The following PCSK6 variants were observed in gnomAD, a reference collection of about 807,000 sequenced individuals.
PCSK6 encodes proprotein convertase subtilisin/kexin type 6.
Under a neutral mutation model 123.3 loss-of-function variants are expected in PCSK6, and 85 were observed. The ratio of observed to expected loss-of-function variants is 0.69; its 90% CI spans 0.58 to 0.83. The LOEUF (loss-of-function observed/expected upper bound fraction) is 0.83. PCSK6 is among the 40% of genes least tolerant of loss of function. The pLI is 0.00. For missense variants in PCSK6, 1,191 were observed against 1,282.3 expected (o/e 0.93, Z 1.09); for synonymous variants, 508 against 516.0 (o/e 0.98, Z 0.21).
At chr15:101,314,566 G>A (rs182762264) in intron 19 of PCSK6, among the ~76,000 whole-genome samples, 20 of 152,334 alleles carry the variant, frequency 1.3e-4, no homozygotes, top group Non-Finnish European at 2.5e-4. Flanking sequence ...AAATCCCTTT[G>A]CAGAGGTTCC....
At chr15:101,414,735 G>T (rs1282387163) in intron 6 of PCSK6, among the ~76,000 whole-genome samples, 1 of 152,054 alleles carries the variant, frequency 6.6e-6, no homozygotes. Context: ...AAGACAGATT[G>T]GTAGACAGAT....
intron 1 of PCSK6, among the ~76,000 whole-genome samples, chr15:101,485,152 T>C (rs1392322568): frequency 6.6e-6 from 1 of 152,240 alleles, no homozygotes; most frequent in Non-Finnish European, 1.5e-5. Context: ...ATCTCATCGT[T>C]GCCTAAATTG....
At chr15:101,326,944 T>C (rs892046509) in intron 15 of PCSK6, among the ~76,000 whole-genome samples, 1 of 151,980 alleles carries the variant, frequency 6.6e-6, no homozygotes, top group Non-Finnish European at 1.5e-5. Flanking sequence ...GGCAAGCTGA[T>C]GAGCCAGGAG....
rs2039677421 is a variant in PCSK6, at chr15:101,304,323, T to TA, written c.*934dup. On this transcript the variant is annotated 3_prime_UTR_variant, in exon 22 of 22. Transcript: ENST00000611716. The stretch of plus-strand genomic sequence containing the variant: ...TACACAGACACAGGAGTTTCCACCT[T>TA]AAAAACGAGTCTTCTGAAGGGCAGA... The TA allele has an allele frequency of 1.3e-5, 2 of 152,504 alleles. No individual in the cohort carries two copies. Among genetic ancestry groups the TA allele is most frequent in the South Asian group, 4.1e-4 (2 of 4,830 alleles). The allele number at this position is 152,504 out of a possible 1,614,324, so 9.4% of individuals were successfully genotyped here.
intron 6 of PCSK6, among the ~76,000 whole-genome samples, chr15:101,399,911 A>C (rs2042536322): frequency 6.6e-6 from 1 of 152,186 alleles, no homozygotes; most frequent in South Asian, 2.1e-4. Flanking sequence ...TAAATCTTAG[A>C]GCTATTTAAG....
At chr15:101,454,219 C>T (rs985808748) in intron 1 of PCSK6, among the ~76,000 whole-genome samples, 3 of 152,226 alleles carry the variant, frequency 2.0e-5, no homozygotes, top group Non-Finnish European at 4.4e-5. Context: ...CAAGGGAAAT[C>T]AAAAGGAATT....
chr15:101,424,896 T>C lies in PCSK6; in HGVS notation c.823+2996A>G, dbSNP rs1333149579. 2.6e-5 allele frequency among the ~76,000 whole-genome samples: 4 copies of C among 152,238 alleles called. No individual in the cohort carries two copies. In the South Asian group the frequency reaches 6.2e-4, roughly 24 times the overall value. ...TGAATATGGTTGAGCACATGCTGCA[T>C]GTATAATACTGGATATGCCGCTGAC... On this transcript the variant is annotated intron_variant, in intron 6 of 21. Transcript: ENST00000611716.
intron 6 of PCSK6, among the ~76,000 whole-genome samples, chr15:101,412,601 T>G (rs1263037541): frequency 6.6e-6 from 1 of 150,558 alleles, no homozygotes; most frequent in East Asian, 1.9e-4. Context: ...CCAAGTAGAA[T>G]TATTAGAACT....
At chr15:101,373,055 A>C (rs1010674016) in intron 11 of PCSK6, among the ~76,000 whole-genome samples, 6 of 151,906 alleles carry the variant, frequency 3.9e-5, no homozygotes, top group African/African-American at 1.5e-4. Context: ...CGCCACTCTG[A>C]GCCCCACCCA....
At chr15:101,403,928 C>T (rs911351036) in intron 6 of PCSK6, among the ~76,000 whole-genome samples, 2 of 152,170 alleles carry the variant, frequency 1.3e-5, no homozygotes, top group Non-Finnish European at 2.9e-5. Flanking sequence ...ACCACGTTGG[C>T]CAGGCTGGTC....
chr15:101,333,109 C>T (rs1440508872), intron 13 of PCSK6, among the ~76,000 whole-genome samples: 3 of 152,212 alleles, frequency 2.0e-5, no homozygotes, highest in Admixed American at 6.5e-5. Flanking sequence ...CGCCTATCTG[C>T]AGGCCGACTC....
At chr15:101,314,020 C>T (rs1181784434) in intron 19 of PCSK6, among the ~76,000 whole-genome samples, 1 of 152,194 alleles carries the variant, frequency 6.6e-6, no homozygotes, top group Non-Finnish European at 1.5e-5. Context: ...CCGTGGCTTG[C>T]GTTTGTGGCC....
chr15:101,354,144 G>C (rs1298939960), intron 13 of PCSK6, among the ~76,000 whole-genome samples: 1 of 152,030 alleles, frequency 6.6e-6, no homozygotes, highest in African/African-American at 2.4e-5. Flanking sequence ...TGAAAAGGAA[G>C]CATAAGCCAA....
intron 1 of PCSK6, among the ~76,000 whole-genome samples, chr15:101,457,369 C>T (rs887045931): frequency 6.6e-6 from 1 of 152,074 alleles, no homozygotes; most frequent in African/African-American, 2.4e-5. Flanking sequence ...CATTTCCTTG[C>T]CCAAGGTTTC....
intron 6 of PCSK6, among the ~76,000 whole-genome samples, chr15:101,421,690 GT>G (rs2056090071): frequency 6.6e-6 from 1 of 152,316 alleles, no homozygotes; most frequent in East Asian, 1.9e-4. Flanking sequence ...ACTCAGTCAA[GT>G]CTTCAGACTA....
rs373718901 is a variant in PCSK6 at position 101,427,922 on chromosome 15, C to T, written c.793G>A (p.Val265Met). The T allele has an allele frequency of 8.2e-6, 13 of 1,586,604 alleles. No homozygotes were observed. The highest frequency in any genetic ancestry group is 4.0e-5 in the African/African-American group (3 of 74,426). The change falls in exon 6 of 22, where the codon GTG becomes ATG. Residue 265 changes from valine to methionine, a missense_variant. Coordinates refer to ENST00000611716, the MANE Select transcript of PCSK6 (RefSeq NM_002570.5). ...ATTTTGGCATTGTACGCTATGCCCA[C>T]GATGCAGTAGGAATTGTTTGCTGAA... ...AASANNSYCI[V>M]GIAYNAKIGG...
At chr15:101,338,840 CAAT>C (rs2040540264) in intron 13 of PCSK6, among the ~76,000 whole-genome samples, 1 of 152,206 alleles carries the variant, frequency 6.6e-6, no homozygotes, top group African/African-American at 2.4e-5. Flanking sequence ...CAGATGTCAA[CAAT>C]GAAGGCCAGG....
intron 17 of PCSK6, 60 bp from the exon 18 acceptor site, chr15:101,322,667 G>T (rs1468694461): frequency 9.4e-7 from 1 of 1,062,480 alleles, no homozygotes; most frequent in Non-Finnish European, 1.5e-6. Context: ...AATGAAATCT[G>T]GGCAAGCAGG....
chr15:101,358,714 C>A (rs2041121327), intron 13 of PCSK6, among the ~76,000 whole-genome samples: 1 of 152,234 alleles, frequency 6.6e-6, no homozygotes, highest in African/African-American at 2.4e-5. Context: ...CCTGGATCAA[C>A]CTCAAAAGCA....
Sources: gnomAD v4.1 joint callset for allele counts (sites outside exome capture counted in the v4.1 genomes callset) on GRCh38, gnomAD v4.1.1 for gene constraint, MANE v1.5 for transcripts, NCBI Gene and HGNC (gene_info 2026-07-23, HGNC 2026-07-21) for gene names.